Variants in IL21R observed in about 807,000 individuals in gnomAD.
IL21R encodes the protein interleukin 21 receptor, also known as interleukin-21 receptor.
IL21R carries 14 observed loss-of-function variants against 41.3 expected under a neutral mutation model. The ratio of observed to expected loss-of-function variants is 0.34; its 90% CI spans 0.22 to 0.53. IL21R has a LOEUF of 0.53. IL21R is among the 20% of genes least tolerant of loss of function. The pLI, the probability that IL21R is intolerant of heterozygous loss-of-function variation, is 0.94. For synonymous variants in IL21R, 286 were observed against 287.6 expected (o/e 0.99, Z 0.05); for missense variants, 588 against 681.6 (o/e 0.86, Z 1.53).
rs768105662 is a variant in IL21R, at chr16:27,434,442, C to A, written c.145C>A (p.Leu49Ile). 1.2e-6 allele frequency: 2 copies of A among 1,609,846 alleles called. No homozygotes were observed. Among genetic ancestry groups the A allele is most frequent in the Non-Finnish European group, 1.7e-6 (2 of 1,176,334 alleles). The change falls in exon 3 of 9, where the codon CTT (leucine) becomes ATT (isoleucine). Residue 49 changes from leucine (L) to isoleucine (I), a missense_variant. Physicochemically the swap from Leu to Ile is conservative, Grantham distance 5 (BLOSUM62 2). Transcript: ENST00000337929. Reference protein sequence around the residue: ...MWNLHPSTLTLTWQDQYEELK... With the variant: ...MWNLHPSTLTITWQDQYEELK... Reference sequence around the variant, plus strand: ...GAACCTCCACCCCAGCACGCTCACCCTTACCTGGTAAGTAGCCGGGCCTCA... The same window carrying A: ...GAACCTCCACCCCAGCACGCTCACCATTACCTGGTAAGTAGCCGGGCCTCA...
intron 1 of IL21R, among the ~76,000 whole-genome samples, chr16:27,410,241 C>CAGG (rs35288018): frequency 0.28 from 42,215 of 151,152 alleles, 6,502 homozygotes; most frequent in East Asian, 0.62. Context: ...GAGGCTGAGG[C>CAGG]AGAATTGCTT....
intron 1 of IL21R, among the ~76,000 whole-genome samples, chr16:27,403,486 T>G (rs2086692677): frequency 6.6e-6 from 1 of 151,964 alleles, no homozygotes; most frequent in African/African-American, 2.4e-5. Flanking sequence ...AAGCACATGG[T>G]GGAGTCGGGG....
chr16:27,418,780 A>G (rs1170107647), intron 1 of IL21R, among the ~76,000 whole-genome samples: 1 of 152,162 alleles, frequency 6.6e-6, no homozygotes, highest in Non-Finnish European at 1.5e-5. Context: ...GCACTCTTGT[A>G]CTAACACTTA....
intron 4 of IL21R, among the ~76,000 whole-genome samples, chr16:27,438,649 T>C (rs1472808264): frequency 6.6e-6 from 1 of 152,062 alleles, no homozygotes; most frequent in Non-Finnish European, 1.5e-5. Context: ...AGGTGGATCG[T>C]TTGAGGTCAG....
In IL21R at chr16:27,450,055, A is replaced by G. The variant is rs1201676909; in HGVS notation, c.*772A>G. On this transcript the variant is annotated 3_prime_UTR_variant, in exon 9 of 9. Coordinates refer to ENST00000337929, the MANE Select transcript of IL21R (RefSeq NM_181078.3). Reference sequence around the variant, plus strand: ...GTACGCAGCCCAGAGCAGACCCTCAATAAACGTCAGCTTCCTTCCTTCTGC... The same window carrying G: ...GTACGCAGCCCAGAGCAGACCCTCAGTAAACGTCAGCTTCCTTCCTTCTGC... 4.3e-6 allele frequency: 1 copy of G among 232,322 alleles called. No individual in the cohort carries two copies. The allele number at this position is 232,322 out of a possible 1,614,324, so 14.4% of individuals were successfully genotyped here.
chr16:27,430,212 G>C, intron 2 of IL21R, 92 bp downstream of exon 2: 4 of 1,066,138 alleles, frequency 3.8e-6, no homozygotes, highest in Non-Finnish European at 5.5e-6. Context: ...CAAAAACACG[G>C]CTAGAGTCCA....
At chr16:27,431,971 C>A (rs1464750766) in intron 2 of IL21R, among the ~76,000 whole-genome samples, 2 of 151,966 alleles carry the variant, frequency 1.3e-5, no homozygotes, top group Admixed American at 1.3e-4. Flanking sequence ...AACGCTGCAC[C>A]ACCCCCAGAG....
intron 3 of IL21R, among the ~76,000 whole-genome samples, chr16:27,434,920 T>G (rs1310583107): frequency 3.9e-5 from 6 of 152,114 alleles, no homozygotes; most frequent in Non-Finnish European, 7.4e-5. Context: ...CCTATGCAGC[T>G]CAGGATAAAG....
chr16:27,431,436 G>A (rs1037753820), intron 2 of IL21R, among the ~76,000 whole-genome samples: 1 of 152,232 alleles, frequency 6.6e-6, no homozygotes, highest in Non-Finnish European at 1.5e-5. Context: ...GGCTCAGAGA[G>A]GCTAAGAGAC....
chr16:27,441,038 T>C (rs1305589014), intron 4 of IL21R, among the ~76,000 whole-genome samples: 5 of 115,822 alleles, frequency 4.3e-5, no homozygotes, highest in African/African-American at 1.8e-4. Flanking sequence ...GTGACAGAGA[T>C]TCTGTCTCAA....
intron 2 of IL21R, among the ~76,000 whole-genome samples, chr16:27,433,823 T>G (rs1028583284): frequency 6.6e-6 from 1 of 152,148 alleles, no homozygotes; most frequent in African/African-American, 2.4e-5. Flanking sequence ...TTCCTGAATC[T>G]CCGAGAGTGG....
At chr16:27,409,309 C>T in intron 1 of IL21R, among the ~76,000 whole-genome samples, 1 of 146,108 alleles carries the variant, frequency 6.8e-6, no homozygotes, top group Non-Finnish European at 1.5e-5. Context: ...TTTCCCTCTT[C>T]CTCTTTCAGT....
In IL21R at chr16:27,445,242, G is replaced by A. The variant is rs751829180; in HGVS notation, c.751G>A (p.Ala251Thr). The A allele has an allele frequency of 6.2e-7, 1 of 1,613,948 alleles. No individual in the cohort carries two copies. Among genetic ancestry groups the A allele is most frequent in the East Asian group, 2.2e-5 (1 of 44,876 alleles). The change falls in exon 7 of 9, where the codon GCC becomes ACC. Residue 251 changes from alanine (A) to threonine (T), a missense_variant. Transcript: ENST00000337929. The part of the protein sequence containing the change: ...LLLLVIVFIP[A>T]FWSLKTHPLW... ...CCTGCTTGTCATAGTCTTCATTCCT[G>A]CCTTCTGGAGCCTGAAGACCCATCC...
chr16:27,407,789 C>T (rs568494654), intron 1 of IL21R, among the ~76,000 whole-genome samples: 122 of 152,344 alleles, frequency 8.0e-4, no homozygotes, highest in African/African-American at 2.8e-3. Flanking sequence ...CGTGCCACTG[C>T]ACTCCAGCAT....
Position 27,448,708 on chromosome 16 carries a change from A to G in IL21R, c.1042A>G (p.Lys348Glu). The G allele has an allele frequency of 6.2e-7, 1 of 1,613,306 alleles. No homozygotes were observed. Among genetic ancestry groups the G allele is most frequent in the Non-Finnish European group, 8.5e-7 (1 of 1,179,998 alleles). Residue 348 changes from lysine (K) to glutamate (E), a missense_variant, in exon 9 of 9, where the codon AAG (lysine) becomes GAG (glutamate). Coordinates refer to ENST00000337929, the MANE Select transcript of IL21R (RefSeq NM_181078.3). ...GCTGGTGGAGTCTGACGGTGTGCCC[A>G]AGCCCAGCTTCTGGCCGACAGCCCA... The part of the protein sequence containing the change: ...AELVESDGVP[K>E]PSFWPTAQNS...
In IL21R at chr16:27,450,370, C is replaced by G. The variant is rs2096; in HGVS notation, c.*1087C>G. 57,831 of 231,114 alleles carry G rather than the reference C, an allele frequency of 0.25. 7,770 individuals carry two copies. The highest frequency in any genetic ancestry group is 0.38 in the African/African-American group (17,038 of 45,196). 14.3% of individuals were successfully genotyped at this position (231,114 alleles called of 1,614,324 possible). On this transcript the variant is annotated 3_prime_UTR_variant, in exon 9 of 9. Transcript: ENST00000337929. ...CCCCCCGTGGCACTCATGGAGGGGG[C>G]TGCAGGTTGGAACTATGCAGTGTGC... is the stretch of plus-strand genomic sequence containing the variant.
At chr16:27,436,029 G>A (rs774911821) in intron 3 of IL21R, among the ~76,000 whole-genome samples, 9 of 152,066 alleles carry the variant, frequency 5.9e-5, no homozygotes, top group South Asian at 2.1e-4. Context: ...CACTGTACCC[G>A]CCTTTCAGAC....
chr16:27,426,571 C>T (rs557092573), intron 1 of IL21R, among the ~76,000 whole-genome samples: 3 of 152,310 alleles, frequency 2.0e-5, no homozygotes, highest in African/African-American at 4.8e-5. Flanking sequence ...CCTGGGCTGC[C>T]GGGGAGACGA....
rs1009872491 is a variant in IL21R at position 27,451,611 on chromosome 16, C to T, written c.*2328C>T. On this transcript the variant is annotated 3_prime_UTR_variant, in exon 9 of 9. Coordinates refer to ENST00000337929, the MANE Select transcript of IL21R (RefSeq NM_181078.3). ...GTGCTTGCCTATAGTCCCAGCTACT[C>T]GGGAGGCTAAGGTGGGAGGATCGCT... 6 of 214,494 alleles carry T rather than the reference C, an allele frequency of 2.8e-5. No individual in the cohort carries two copies. In the East Asian group the frequency reaches 3.5e-4, roughly 12 times the overall value. 13.3% of individuals were successfully genotyped at this position (214,494 alleles called of 1,614,324 possible).
Sources: gnomAD v4.1 joint callset for allele counts (sites outside exome capture counted in the v4.1 genomes callset) on GRCh38, gnomAD v4.1.1 for gene constraint, MANE v1.5 for transcripts, NCBI Gene and HGNC (gene_info 2026-07-23, HGNC 2026-07-21) for gene names.